PIK3C2A: variants seen among roughly 807,000 people sequenced by gnomAD.
PIK3C2A encodes the protein phosphatidylinositol 4-phosphate 3-kinase C2 domain-containing subunit alpha.
A neutral mutation model predicts 204.5 loss-of-function variants in PIK3C2A; 97 were observed. That is an observed-to-expected ratio of 0.47 (90% CI 0.40 to 0.56). The LOEUF (loss-of-function observed/expected upper bound fraction) is 0.56. Ranked by LOEUF, PIK3C2A falls within the 20% of genes least tolerant of loss-of-function variation. The pLI is 0.00. For synonymous variants in PIK3C2A, 653 were observed against 664.4 expected (o/e 0.98, Z 0.26); for missense variants, 1,735 against 1,969.2 (o/e 0.88, Z 2.25).
chr11:17,164,020 C>G (rs1171038574), intron 2 of PIK3C2A, among the ~76,000 whole-genome samples: 1 of 151,928 alleles, frequency 6.6e-6, no homozygotes, highest in African/African-American at 2.4e-5. Context: ...TAAAGAAACT[C>G]AGATTCAGTG....
chr11:17,136,065 T>C (rs557854235), intron 9 of PIK3C2A, among the ~76,000 whole-genome samples: 111 of 152,270 alleles, frequency 7.3e-4, no homozygotes, highest in Middle Eastern at 6.8e-3. Flanking sequence ...AGGCCCTTGG[T>C]CTTTTCTACA....
intron 11 of PIK3C2A, among the ~76,000 whole-genome samples, chr11:17,132,369 A>C (rs1337020556): frequency 2.4e-5 from 3 of 127,404 alleles, no homozygotes; most frequent in East Asian, 2.3e-4. Flanking sequence ...GTCGCCCAGG[A>C]CGGACTGCGG....
intron 1 of PIK3C2A, among the ~76,000 whole-genome samples, chr11:17,175,564 C>G (rs767013817): frequency 3.3e-5 from 5 of 152,094 alleles, no homozygotes; most frequent in African/African-American, 7.2e-5. Flanking sequence ...CTAATGTTCC[C>G]CTAATTCAAG....
At chr11:17,148,008 G>A (rs865832643) in intron 5 of PIK3C2A, among the ~76,000 whole-genome samples, 1 of 151,906 alleles carries the variant, frequency 6.6e-6, no homozygotes, top group South Asian at 2.1e-4. Context: ...ACCTGAGGTC[G>A]AGAGTTCGAG....
At chr11:17,131,643 G>A (rs968237746) in intron 12 of PIK3C2A, among the ~76,000 whole-genome samples, 6 of 152,046 alleles carry the variant, frequency 3.9e-5, no homozygotes, top group Non-Finnish European at 1.5e-5. Context: ...GGATGGTCTC[G>A]ATCTCCTGAC....
intron 16 of PIK3C2A, 133 bp downstream of exon 16, chr11:17,119,653 T>C (rs1166473359): frequency 3.5e-6 from 2 of 571,864 alleles, no homozygotes; most frequent in Non-Finnish European, 6.0e-6. Context: ...GATATGTTTG[T>C]ATAAATATAC....
intron 1 of PIK3C2A, among the ~76,000 whole-genome samples, chr11:17,195,400 A>G (rs1205266308): frequency 6.6e-6 from 1 of 150,420 alleles, no homozygotes; most frequent in African/African-American, 2.5e-5. Context: ...TGAAAGAGGA[A>G]GATTCTGTCT....
At chr11:17,180,518 C>CAA (rs200408705) in intron 1 of PIK3C2A, among the ~76,000 whole-genome samples, 2 of 115,418 alleles carry the variant, frequency 1.7e-5, no homozygotes, top group African/African-American at 3.3e-5. Context: ...ACAACAACAA[C>CAA]AACAAAAAAC....
chr11:17,185,198 C>T (rs569780), intron 1 of PIK3C2A, among the ~76,000 whole-genome samples: 36,115 of 151,732 alleles, frequency 0.24, 5,255 homozygotes, highest in East Asian at 0.38. Flanking sequence ...TGTTTAGATA[C>T]GCAAATACTT....
intron 21 of PIK3C2A, among the ~76,000 whole-genome samples, chr11:17,112,042 A>G (rs191723192): frequency 5.5e-4 from 84 of 152,240 alleles, no homozygotes; most frequent in Non-Finnish European, 9.6e-4. Context: ...TATTATATAT[A>G]TATCAAAAGT....
At chr11:17,144,815 G>T (rs1850175655) in intron 8 of PIK3C2A, among the ~76,000 whole-genome samples, 1 of 133,944 alleles carries the variant, frequency 7.5e-6, no homozygotes. Flanking sequence ...AGAATCATTT[G>T]AACCAGGAGG....
At chr11:17,125,414 C>G (rs1849490618) in intron 13 of PIK3C2A, among the ~76,000 whole-genome samples, 1 of 152,104 alleles carries the variant, frequency 6.6e-6, no homozygotes, top group African/African-American at 2.4e-5. Flanking sequence ...TCAATACTGC[C>G]AAGATTGAGA....
chr11:17,182,285 A>T (rs1851593436), intron 1 of PIK3C2A, among the ~76,000 whole-genome samples: 1 of 152,142 alleles, frequency 6.6e-6, no homozygotes, highest in Admixed American at 6.6e-5. Flanking sequence ...ACTTAACCAT[A>T]AAGAATAATC....
chr11:17,120,173 A>G (rs1189119788), intron 15 of PIK3C2A, among the ~76,000 whole-genome samples, 199 bp from the exon 16 acceptor site: 2 of 152,178 alleles, frequency 1.3e-5, no homozygotes, highest in African/African-American at 4.8e-5. Context: ...GAAAGGAATG[A>G]TTATGTCTTG....
rs1850282755 is a variant in PIK3C2A at position 17,147,592 on chromosome 11, G to A, written c.1485C>T (p.Asn495=). Residue 495 remains asparagine, a synonymous_variant, in exon 6 of 33, where the codon AAC becomes AAT. Transcript: ENST00000691414. ...HCLGSHEHIQ[N]CRKWDTEIRL... ...TAATTTCTGTGTCCCATTTTCGACA[G>A]TTTTGAATATGCTCATGACTTCCAA... 1.2e-6 allele frequency: 2 copies of A among 1,606,576 alleles called. No individual in the cohort carries two copies. Among genetic ancestry groups the A allele is most frequent in the Non-Finnish European group, 1.7e-6 (2 of 1,173,354 alleles).
intron 2 of PIK3C2A, among the ~76,000 whole-genome samples, chr11:17,164,827 T>C (rs1177311154): frequency 6.6e-6 from 1 of 152,218 alleles, no homozygotes; most frequent in Non-Finnish European, 1.5e-5. Context: ...CAGATCTTGC[T>C]AGGCAAACTT....
intron 1 of PIK3C2A, among the ~76,000 whole-genome samples, chr11:17,189,967 T>A (rs1223757979): frequency 1.3e-5 from 2 of 149,268 alleles, no homozygotes; most frequent in Admixed American, 1.3e-4. Context: ...GGAATTATTA[T>A]TAAATAGTAA....
At chr11:17,092,863 T>C (rs979980645) in intron 28 of PIK3C2A, among the ~76,000 whole-genome samples, 4 of 152,244 alleles carry the variant, frequency 2.6e-5, no homozygotes, top group African/African-American at 9.6e-5. Context: ...ATTACTTTTG[T>C]ACCTACTTAA....
At chr11:17,178,365 G>A (rs1851411341) in intron 1 of PIK3C2A, among the ~76,000 whole-genome samples, 1 of 151,982 alleles carries the variant, frequency 6.6e-6, no homozygotes, top group African/African-American at 2.4e-5. Context: ...CAAGGTTAGA[G>A]TTTATGAAGA....
Sources: allele counts gnomAD v4.1 joint callset (sites outside exome capture counted in the v4.1 genomes callset), GRCh38; gene constraint gnomAD v4.1.1; transcripts MANE v1.5; gene names NCBI Gene and HGNC (gene_info 2026-07-23, HGNC 2026-07-21).